Variants in HCLS1 observed in about 807,000 individuals in gnomAD.
HCLS1 encodes hematopoietic cell-specific Lyn substrate 1.
Under a neutral mutation model 68.6 loss-of-function variants are expected in HCLS1, and 44 were observed. The observed-to-expected ratio is 0.64, with a 90% CI of 0.50 to 0.82. The LOEUF (loss-of-function observed/expected upper bound fraction) is 0.82, where lower values mean the gene tolerates loss of function less well. Among genes scored for constraint, HCLS1 ranks in the 40% least tolerant of loss-of-function variants. The pLI is 0.00. For synonymous variants in HCLS1, 217 were observed against 225.8 expected (o/e 0.96, Z 0.35); for missense variants, 602 against 612.1 (o/e 0.98, Z 0.17).
At chr3:121,638,447 G>A (rs1560138801) in intron 6 of HCLS1, among the ~76,000 whole-genome samples, 1 of 152,132 alleles carries the variant, frequency 6.6e-6, no homozygotes, top group Non-Finnish European at 1.5e-5. Flanking sequence ...GGGGAGGAGG[G>A]AAGAAAGCCA....
intron 3 of HCLS1, chr3:121,653,580 C>T (rs1937796327): frequency 6.6e-6 from 1 of 152,322 alleles, no homozygotes; most frequent in Non-Finnish European, 1.5e-5. Flanking sequence ...AATCTCCAGT[C>T]AGCGCTGGAA....
intron 1 of HCLS1, among the ~76,000 whole-genome samples, chr3:121,659,600 G>T (rs1472657123): frequency 6.6e-6 from 1 of 152,208 alleles, no homozygotes; most frequent in Admixed American, 6.5e-5. Context: ...ATCAGTTAAA[G>T]AGATGCTAAG....
In HCLS1 at chr3:121,632,195, A is replaced by G. The variant is rs1490605161; in HGVS notation, c.1241-11T>C. ...GGCAGCCTGATGATCCTGCATAATG[A>G]GAAACACAAACATGGGATCATCAAC... On this transcript the variant is annotated splice_polypyrimidine_tract_variant and intron_variant, in intron 12 of 13. Coordinates refer to ENST00000314583, the MANE Select transcript of HCLS1 (RefSeq NM_005335.6). 6.2e-7 allele frequency: 1 copy of G among 1,613,544 alleles called. No homozygotes were observed. The highest frequency in any genetic ancestry group is 8.5e-7 in the Non-Finnish European group (1 of 1,179,700).
chr3:121,631,474 G>T lies in HCLS1; in HGVS notation c.*372C>A. ...AAGAAGGTTCAGATATTTCTTCAGG[G>T]AAGGAAAGTGGGCAAATAGCACAAT... On this transcript the variant is annotated 3_prime_UTR_variant, in exon 14 of 14. Transcript: ENST00000314583. 1 of 196,194 alleles carries T rather than the reference G, an allele frequency of 5.1e-6. No homozygotes were observed. Among genetic ancestry groups the T allele is most frequent in the Non-Finnish European group, 1.0e-5 (1 of 95,588 alleles). 12.2% of individuals were successfully genotyped at this position (196,194 alleles called of 1,614,324 possible).
Position 121,638,713 on chromosome 3 carries a change from A to T in HCLS1, c.455-1457T>A, listed in dbSNP as rs996137751. 4.6e-5 allele frequency among the ~76,000 whole-genome samples: 7 copies of T among 152,206 alleles called. No homozygotes were observed. The South Asian group carries it at 1.4e-3, about 31-fold the overall frequency. On this transcript the variant is annotated intron_variant, in intron 6 of 13. Coordinates refer to ENST00000314583, the MANE Select transcript of HCLS1 (RefSeq NM_005335.6). The stretch of plus-strand genomic sequence containing the variant: ...CCAGGAAAATATACATTTTGGAAAG[A>T]GTAAGCATAAGAAAGATGGCATGAA...
intron 8 of HCLS1, 33 bp downstream of exon 8, chr3:121,636,401 T>G: frequency 6.4e-7 from 1 of 1,564,976 alleles, no homozygotes; most frequent in Non-Finnish European, 8.8e-7. Flanking sequence ...CTTAGGGAAC[T>G]CTTCTTAAGA....
At chr3:121,647,565 C>A in intron 3 of HCLS1, 117 bp from the exon 4 acceptor site, 1 of 1,015,158 alleles carries the variant, frequency 9.9e-7, no homozygotes, top group South Asian at 1.5e-5. Flanking sequence ...TAACCTGGGC[C>A]CCCAAAATAT....
intron 1 of HCLS1, 82 bp from the exon 2 acceptor site, chr3:121,658,429 T>TTGGGCTGCTATATTTTG: frequency 9.7e-7 from 1 of 1,032,198 alleles, no homozygotes; most frequent in Non-Finnish European, 1.5e-6. Flanking sequence ...AGTCAAAATA[T>TTGGGCTGCTATATTTTG]AGCAGCCCAA....
intron 4 of HCLS1, among the ~76,000 whole-genome samples, chr3:121,647,027 G>T (rs1481562387): frequency 1.4e-5 from 2 of 147,504 alleles, no homozygotes; most frequent in Non-Finnish European, 3.0e-5. Context: ...TGTCTCCCAG[G>T]CTGGAGTGCA....
rs192604388 is a variant in HCLS1 at position 121,634,858 on chromosome 3, C to T, written c.692-440G>A. Among the ~76,000 whole-genome samples, 7 of 152,254 alleles carry T rather than the reference C, an allele frequency of 4.6e-5. No homozygotes were observed. The East Asian group carries it at 1.4e-3, about 29-fold the overall frequency. On this transcript the variant is annotated intron_variant, in intron 9 of 13. Coordinates refer to ENST00000314583, the MANE Select transcript of HCLS1 (RefSeq NM_005335.6). ...TGTTGCCCAGCCTCATCTTGAACTC[C>T]TGGGTTCAAGTGATTATCCTACTTC...
chr3:121,645,851 T>C (rs2049241475), intron 4 of HCLS1, among the ~76,000 whole-genome samples: 1 of 146,364 alleles, frequency 6.8e-6, no homozygotes, highest in African/African-American at 2.5e-5. Flanking sequence ...ACTTAAATAT[T>C]ATATACTATA....
intron 3 of HCLS1, among the ~76,000 whole-genome samples, chr3:121,653,143 G>T (rs774459630): frequency 5.9e-5 from 9 of 152,194 alleles, no homozygotes; most frequent in Non-Finnish European, 1.0e-4. Context: ...ATTAAGGAAG[G>T]TATTAAAGAA....
At chr3:121,650,149 A>G (rs947500870) in intron 3 of HCLS1, among the ~76,000 whole-genome samples, 1 of 152,246 alleles carries the variant, frequency 6.6e-6, no homozygotes, top group Non-Finnish European at 1.5e-5. Context: ...ACACTAAAAA[A>G]TATTTCTGAA....
At chr3:121,651,091 T>C (rs1937740269) in intron 3 of HCLS1, among the ~76,000 whole-genome samples, 1 of 152,126 alleles carries the variant, frequency 6.6e-6, no homozygotes, top group Non-Finnish European at 1.5e-5. Flanking sequence ...GCTGAGATCA[T>C]GTCACTGCAC....
intron 6 of HCLS1, among the ~76,000 whole-genome samples, chr3:121,642,309 A>C (rs1423905690): frequency 6.7e-6 from 1 of 149,160 alleles, no homozygotes; most frequent in Non-Finnish European, 1.5e-5. Flanking sequence ...AATACAAAAA[A>C]AAAAAAAAAA....
At chr3:121,632,911 G>C (rs1356477332) in intron 11 of HCLS1, among the ~76,000 whole-genome samples, 156 bp downstream of exon 11, 1 of 152,164 alleles carries the variant, frequency 6.6e-6, no homozygotes. Context: ...ATACTAGTTT[G>C]CCCAGGACAG....
rs1290839946 is a variant in HCLS1 at position 121,635,765 on chromosome 3, C to T, written c.661G>A (p.Ala221Thr). The T allele has an allele frequency of 2.5e-6, 4 of 1,614,126 alleles. No homozygotes were observed. The highest frequency in any genetic ancestry group is 2.2e-5 in the East Asian group (1 of 44,880). ...GFNEMEAPTT[A>T]YKKTTPIEAA... The stretch of plus-strand genomic sequence containing the variant: ...TCTATGGGCGTCGTCTTCTTATAAG[C>T]TGTGGTCGGGGCCTCCATTTCATTG... Residue 221 changes from alanine (A) to threonine (T), a missense_variant, in exon 9 of 14, where the codon GCT (alanine) becomes ACT (threonine). Coordinates refer to ENST00000314583, the MANE Select transcript of HCLS1 (RefSeq NM_005335.6).
In HCLS1 at chr3:121,647,412, A is replaced by G. The variant is rs1158543519; in HGVS notation, c.195T>C (p.His65=). 6.2e-7 allele frequency: 1 copy of G among 1,613,986 alleles called. No homozygotes were observed. Among genetic ancestry groups the G allele is most frequent in the Non-Finnish European group, 8.5e-7 (1 of 1,179,952 alleles). Residue 65 remains histidine (H), a synonymous_variant, in exon 4 of 14, where the codon CAT becomes CAC. Coordinates refer to ENST00000314583, the MANE Select transcript of HCLS1 (RefSeq NM_005335.6). ...CCATCTCTTTCTTCCTGAGAACATCATGCTCCTCTGATACTTTGTTCCTCA... is the reference window on the plus strand; with the variant it reads ...CCATCTCTTTCTTCCTGAGAACATCGTGCTCCTCTGATACTTTGTTCCTCA... ...HQLRNKVSEE[H]DVLRKKEMES...
At chr3:121,641,692 C>G (rs1482596349) in intron 6 of HCLS1, among the ~76,000 whole-genome samples, 13 of 151,936 alleles carry the variant, frequency 8.6e-5, no homozygotes, top group Non-Finnish European at 1.8e-4. Flanking sequence ...AAATTTAAGT[C>G]AAAGATGCAT....
Sources: gnomAD v4.1 joint callset for allele counts (sites outside exome capture counted in the v4.1 genomes callset) on GRCh38, gnomAD v4.1.1 for gene constraint, MANE v1.5 for transcripts, NCBI Gene and HGNC (gene_info 2026-07-23, HGNC 2026-07-21) for gene names.